The following CDON variants were observed in gnomAD, a reference collection of about 807,000 sequenced individuals.
CDON encodes cell adhesion associated, oncogene regulated, also known as cell adhesion molecule-related/down-regulated by oncogenes.
In CDON, 73 loss-of-function variants were observed where a neutral mutation model predicts 120.9. That is an observed-to-expected ratio of 0.60 (90% CI 0.50 to 0.73). The LOEUF is 0.73. Among genes scored for constraint, CDON ranks in the 30% least tolerant of loss-of-function variants. The pLI, the probability that CDON is intolerant of heterozygous loss-of-function variation, is 0.00. For missense variants in CDON, 1,470 were observed against 1,587.3 expected, an observed-to-expected ratio of 0.93 and a Z score of 1.26; for synonymous variants, 566 against 573.5, an observed-to-expected ratio of 0.99 and a Z score of 0.19.
At chr11:126,043,882 T>C (rs1416208758) in intron 1 of CDON, among the ~76,000 whole-genome samples, 2 of 152,224 alleles carry the variant, frequency 1.3e-5, no homozygotes, top group African/African-American at 4.8e-5. Flanking sequence ...AAAAGGTCAC[T>C]GTGGTTATGC....
chr11:126,009,858 G>A (rs1261474163), intron 8 of CDON, among the ~76,000 whole-genome samples: 1 of 152,184 alleles, frequency 6.6e-6, no homozygotes, highest in East Asian at 1.9e-4. Flanking sequence ...CAAAAAATCA[G>A]TAAAATATGA....
intron 11 of CDON, among the ~76,000 whole-genome samples, chr11:125,998,299 G>A (rs652721): frequency 2.0e-5 from 3 of 152,162 alleles, no homozygotes; most frequent in Admixed American, 1.3e-4. Context: ...AATGTTGGAG[G>A]TGGGGCCTGG....
At chr11:126,060,972 AGAG>A (rs1253926229) in intron 1 of CDON, among the ~76,000 whole-genome samples, 1 of 152,230 alleles carries the variant, frequency 6.6e-6, no homozygotes, top group East Asian at 1.9e-4. Context: ...TTTGCACAGA[AGAG>A]GAGGCTGATG....
chr11:125,960,270 G>A lies in CDON; in HGVS notation c.*672C>T, dbSNP rs934329782. On this transcript the variant is annotated 3_prime_UTR_variant, in exon 20 of 20. Coordinates refer to ENST00000531738, the MANE Select transcript of CDON (RefSeq NM_001378964.1). The stretch of plus-strand genomic sequence containing the variant: ...TAATCCTCGCACTTTGGGAGGCGGA[G>A]GCGGGTGGATCACTTGAGGTCAGGA... The A allele has an allele frequency of 1.3e-5, 2 of 152,722 alleles. No individual in the cohort carries two copies. The highest frequency in any genetic ancestry group is 2.9e-5 in the Non-Finnish European group (2 of 68,496). 9.5% of individuals were successfully genotyped at this position (152,722 alleles called of 1,614,324 possible).
intron 14 of CDON, 21 bp downstream of exon 14, chr11:125,994,263 C>T (rs751974492): frequency 9.3e-6 from 12 of 1,284,432 alleles, no homozygotes; most frequent in Non-Finnish European, 1.4e-5. Context: ...TACAGGGACT[C>T]CAGTGTGCCA....
chr11:126,057,530 C>T (rs1948708825), intron 1 of CDON, among the ~76,000 whole-genome samples: 1 of 152,156 alleles, frequency 6.6e-6, no homozygotes, highest in South Asian at 2.1e-4. Context: ...TAGCTGCTGC[C>T]TGCTAGCAAG....
intron 1 of CDON, among the ~76,000 whole-genome samples, chr11:126,040,611 C>A (rs192820452): frequency 2.0e-5 from 3 of 150,914 alleles, no homozygotes; most frequent in East Asian, 2.0e-4. Flanking sequence ...GTCAGGAGAT[C>A]GAGACCATCC....
chr11:126,000,367 A>G (rs1946907271), intron 11 of CDON, among the ~76,000 whole-genome samples: 1 of 151,842 alleles, frequency 6.6e-6, no homozygotes. Context: ...CCCACCACAC[A>G]TGGCTACTTT....
intron 15 of CDON, among the ~76,000 whole-genome samples, chr11:125,988,214 A>G (rs529967036): frequency 6.6e-6 from 1 of 152,238 alleles, no homozygotes; most frequent in Non-Finnish European, 1.5e-5. Context: ...AAGATCTAGT[A>G]GAGGACGTTG....
chr11:125,998,999 C>A (rs57091565), intron 11 of CDON, among the ~76,000 whole-genome samples: 44,728 of 151,712 alleles, frequency 0.29, 6,636 homozygotes, highest in African/African-American at 0.33. Flanking sequence ...CAAATACATA[C>A]GAAAGAAGAA....
intron 16 of CDON, 53 bp from the exon 17 acceptor site, chr11:125,981,382 A>C: frequency 6.4e-7 from 1 of 1,557,626 alleles, no homozygotes; most frequent in Non-Finnish European, 8.7e-7. Flanking sequence ...ACGCACGCAC[A>C]CATGCACATA....
At chr11:126,050,713 G>A (rs1948536689) in intron 1 of CDON, among the ~76,000 whole-genome samples, 1 of 152,072 alleles carries the variant, frequency 6.6e-6, no homozygotes, top group East Asian at 1.9e-4. Flanking sequence ...CCAAGGACGG[G>A]GTGTGCCGTG....
chr11:126,031,433 A>G (rs931966932), intron 1 of CDON, among the ~76,000 whole-genome samples: 3 of 152,244 alleles, frequency 2.0e-5, no homozygotes, highest in East Asian at 1.9e-4. Context: ...CTAAAAAGTG[A>G]TATTATAGCT....
intron 8 of CDON, among the ~76,000 whole-genome samples, chr11:126,009,194 G>C (rs1012814232): frequency 2.0e-5 from 3 of 152,180 alleles, no homozygotes; most frequent in African/African-American, 4.8e-5. Context: ...AGAGGATAAG[G>C]GGAAGTCCCT....
Position 125,995,171 on chromosome 11 carries a change from C to A in CDON, c.2363-119G>T. On this transcript the variant is annotated intron_variant, in intron 12 of 19. Coordinates refer to ENST00000531738, the MANE Select transcript of CDON (RefSeq NM_001378964.1). Reference sequence around the variant, plus strand: ...ATGGCAATTGTGCTGAAGTACCTATCTATACTAAAGTATCTAAAGCCTGTA... The same window carrying A: ...ATGGCAATTGTGCTGAAGTACCTATATATACTAAAGTATCTAAAGCCTGTA... The A allele has an allele frequency of 1.2e-6, 1 of 829,742 alleles. No homozygotes were observed. Among genetic ancestry groups the A allele is most frequent in the South Asian group, 1.4e-5 (1 of 69,850 alleles). The allele number at this position is 829,742 out of a possible 1,614,324, so 51.4% of individuals were successfully genotyped here.
In CDON at chr11:125,961,031, C is replaced by G; in HGVS notation, c.3706G>C (p.Glu1236Gln). ...WNALILPPVP[E>Q]GCAEKTMWSP... ...CACATTGTCTTCTCAGCACAGCCCTCGGGGACAGGTGGCAAAATAAGAGCA... is the reference window on the plus strand; with the variant it reads ...CACATTGTCTTCTCAGCACAGCCCTGGGGGACAGGTGGCAAAATAAGAGCA... Residue 1236 changes from glutamate (E) to glutamine (Q), a missense_variant, in exon 20 of 20, where the codon GAG (glutamate) becomes CAG (glutamine). Physicochemically the swap from Glu to Gln is conservative, Grantham distance 29. Transcript: ENST00000531738. The G allele has an allele frequency of 1.9e-6, 3 of 1,613,990 alleles. No individual in the cohort carries two copies. The highest frequency in any genetic ancestry group is 2.5e-6 in the Non-Finnish European group (3 of 1,179,918).
At chr11:125,988,627 A>C (rs625140) in intron 15 of CDON, among the ~76,000 whole-genome samples, 44,167 of 152,068 alleles carry the variant, frequency 0.29, 6,904 homozygotes, top group African/African-American at 0.39. Flanking sequence ...GTATTCTCAA[A>C]GTTGTTGTGA....
At chr11:125,989,400 G>A (rs985930252) in intron 15 of CDON, among the ~76,000 whole-genome samples, 4 of 152,156 alleles carry the variant, frequency 2.6e-5, no homozygotes, top group South Asian at 4.1e-4. Context: ...GCCAGGCGTG[G>A]TGGTGCGCAC....
intron 14 of CDON, among the ~76,000 whole-genome samples, chr11:125,993,134 C>T (rs545348122): frequency 3.8e-4 from 58 of 152,266 alleles, no homozygotes; most frequent in African/African-American, 1.3e-3. Flanking sequence ...TCCGTAAATA[C>T]CTGAAGGTAG....
Sources: allele counts gnomAD v4.1 joint callset (sites outside exome capture counted in the v4.1 genomes callset), GRCh38; gene constraint gnomAD v4.1.1; transcripts MANE v1.5; gene names NCBI Gene and HGNC (gene_info 2026-07-23, HGNC 2026-07-21).